Variants in ZNF341 observed in about 807,000 individuals in gnomAD.
ZNF341 encodes zinc finger protein 341.
Under a neutral mutation model 87.7 loss-of-function variants are expected in ZNF341, and 52 were observed. The ratio of observed to expected loss-of-function variants is 0.59; its 90% CI spans 0.47 to 0.75. The LOEUF (loss-of-function observed/expected upper bound fraction) is 0.75. Among genes scored for constraint, ZNF341 ranks in the 30% least tolerant of loss-of-function variants. ZNF341 has a pLI of 0.00. For synonymous variants in ZNF341, 459 were observed against 472.7 expected (o/e 0.97, Z 0.38); for missense variants, 977 against 1,145.9 (o/e 0.85, Z 2.13).
intron 2 of ZNF341, among the ~76,000 whole-genome samples, chr20:33,743,010 A>C (rs2018836330): frequency 1.3e-5 from 2 of 151,186 alleles, no homozygotes; most frequent in Non-Finnish European, 2.9e-5. Context: ...CCTGGGCAAC[A>C]CAACAGGACC....
intron 1 of ZNF341, among the ~76,000 whole-genome samples, chr20:33,736,515 A>C (rs1257104514): frequency 6.6e-6 from 1 of 152,132 alleles, no homozygotes; most frequent in East Asian, 1.9e-4. Context: ...TTCCATCTCA[A>C]AGTGTTCACT....
At chr20:33,735,790 C>T (rs1259572980) in intron 1 of ZNF341, among the ~76,000 whole-genome samples, 1 of 152,108 alleles carries the variant, frequency 6.6e-6, no homozygotes, top group Non-Finnish European at 1.5e-5. Flanking sequence ...AGGGGCATCA[C>T]TCCAAGGAGT....
chr20:33,748,853 C>A, intron 3 of ZNF341, 70 bp from the exon 4 acceptor site: 1 of 1,479,028 alleles, frequency 6.8e-7, no homozygotes, highest in Non-Finnish European at 9.3e-7. Flanking sequence ...CACATGCACA[C>A]ACGCACACAT....
intron 8 of ZNF341, among the ~76,000 whole-genome samples, chr20:33,764,517 GTA>G (rs1286609693): frequency 6.0e-5 from 7 of 116,190 alleles, no homozygotes; most frequent in Non-Finnish European, 8.5e-5. Context: ...ATATATATAT[GTA>G]TATATATGTG....
At chr20:33,742,683 T>C (rs1302959082) in intron 2 of ZNF341, among the ~76,000 whole-genome samples, 1 of 151,704 alleles carries the variant, frequency 6.6e-6, no homozygotes, top group African/African-American at 2.4e-5. Context: ...CAGGCTGGTC[T>C]TGAACTCCTG....
chr20:33,757,205 G>T lies in ZNF341; in HGVS notation c.799G>T (p.Gly267Cys). The part of the protein sequence containing the change: ...VYPTPTVYSP[G>C]KQGFKPKGPN... ...TCCCACCCCCACAGTGTACAGCCCTGGCAAACAGGGATTCAAACCCAAAGG... is the reference window on the plus strand; with the variant it reads ...TCCCACCCCCACAGTGTACAGCCCTTGCAAACAGGGATTCAAACCCAAAGG... The change falls in exon 6 of 15, where the codon GGC becomes TGC. Residue 267 changes from glycine (G) to cysteine (C), a missense_variant. Physicochemically the swap from Gly to Cys is radical, Grantham distance 159 (BLOSUM62 -3). Transcript: ENST00000375200. 6.2e-7 allele frequency: 1 copy of T among 1,600,174 alleles called. No individual in the cohort carries two copies. The highest frequency in any genetic ancestry group is 8.5e-7 in the Non-Finnish European group (1 of 1,174,170).
At position 33,781,395 on chromosome 20, in the gene ZNF341, C is replaced by T. The variant is rs1482092319; in HGVS notation, c.1719+8C>T. ...TGCCCACACTGCCAGAAGGTGGGTG[C>T]CACTGTCCTCTTTTCTGGGGCCTAG... On this transcript the variant is annotated splice_region_variant and intron_variant, in intron 11 of 14. Coordinates refer to ENST00000375200, the MANE Select transcript of ZNF341 (RefSeq NM_001282933.2). 6.2e-7 allele frequency: 1 copy of T among 1,612,764 alleles called. No individual in the cohort carries two copies. Among genetic ancestry groups the T allele is most frequent in the Non-Finnish European group, 8.5e-7 (1 of 1,178,942 alleles).
chr20:33,771,558 C>G (rs2019533542), intron 10 of ZNF341, among the ~76,000 whole-genome samples: 1 of 151,596 alleles, frequency 6.6e-6, no homozygotes, highest in African/African-American at 2.4e-5. Context: ...TATGATGATT[C>G]TTAGAATGAA....
At chr20:33,770,798 C>T (rs979453924) in intron 10 of ZNF341, among the ~76,000 whole-genome samples, 1 of 151,958 alleles carries the variant, frequency 6.6e-6, no homozygotes, top group Non-Finnish European at 1.5e-5. Flanking sequence ...ATAATGAGAC[C>T]CCATCTCTAC....
rs1464203978 is a variant in ZNF341, at chr20:33,742,246, G to A, written c.142+1234G>A. ...GAGTCTTGCTCTGTCGCCCAGGCTGGAGTGCAGTGGCGCGATCTCGGCTCA... is the reference window on the plus strand; with the variant it reads ...GAGTCTTGCTCTGTCGCCCAGGCTGAAGTGCAGTGGCGCGATCTCGGCTCA... On this transcript the variant is annotated intron_variant, in intron 2 of 14. Transcript: ENST00000375200. 2.6e-5 allele frequency among the ~76,000 whole-genome samples: 4 copies of A among 152,184 alleles called. No homozygotes were observed. In the South Asian group the frequency reaches 6.2e-4, roughly 24 times the overall value.
At position 33,764,543 on chromosome 20, in the gene ZNF341, G is replaced by GTATATA. The variant is rs1171402724; in HGVS notation, c.1223-2294_1223-2289dup. Among the ~76,000 whole-genome samples the GTATATA allele has an allele frequency of 2.5e-3, 170 of 69,288 alleles. 4 individuals carry two copies. Among genetic ancestry groups the GTATATA allele is most frequent in the African/African-American group, 0.011 (155 of 14,630 alleles). 45.5% of individuals were successfully genotyped at this position (69,288 alleles called of 152,430 possible). On this transcript the variant is annotated intron_variant, in intron 8 of 14. Coordinates refer to ENST00000375200, the MANE Select transcript of ZNF341 (RefSeq NM_001282933.2). ...TATATATATGTGTGTGTGTGTATGTGTATATATATATATATATATTTTTTT... is the reference window on the plus strand; with the variant it reads ...TATATATATGTGTGTGTGTGTATGTGTATATATATATATATATATATATATTTTTTT...
intron 4 of ZNF341, among the ~76,000 whole-genome samples, chr20:33,751,851 T>C (rs1435454351): frequency 1.3e-5 from 2 of 152,080 alleles, no homozygotes; most frequent in Non-Finnish European, 2.9e-5. Flanking sequence ...TTACAGGTGT[T>C]AGCCGCTGCA....
Position 33,791,201 on chromosome 20 carries a change from G to C in ZNF341, c.2249G>C (p.Arg750Thr). ...DLQTRRPPQR[R>T]AAPRSCGSGG... ...CAAACCCGGCGGCCCCCCCAGAGGA[G>C]GGCAGCCCCCCGCAGTTGCGGCAGT... The change falls in exon 15 of 15, where the codon AGG becomes ACG. Residue 750 changes from arginine (R) to threonine (T), a missense_variant. This residue lies in a region of ZNF341 where 221 missense variants were observed against 212.7 expected (regional missense o/e 1.04). Transcript: ENST00000375200. The C allele has an allele frequency of 1.2e-6, 2 of 1,612,762 alleles. No homozygotes were observed. Among genetic ancestry groups the C allele is most frequent in the Non-Finnish European group, 1.7e-6 (2 of 1,179,788 alleles).
chr20:33,766,162 G>C (rs917444430), intron 8 of ZNF341, among the ~76,000 whole-genome samples: 5 of 152,050 alleles, frequency 3.3e-5, no homozygotes, highest in Non-Finnish European at 5.9e-5. Flanking sequence ...TGGGATTACA[G>C]GTGTGAGCCA....
At chr20:33,762,513 CCTTT>C (rs1467668959) in intron 8 of ZNF341, among the ~76,000 whole-genome samples, 4 of 151,658 alleles carry the variant, frequency 2.6e-5, no homozygotes, top group Non-Finnish European at 4.4e-5. Context: ...AAAAGAAAGC[CCTTT>C]CTTTTTTTTT....
chr20:33,791,057 A>T lies in ZNF341; in HGVS notation c.2105A>T (p.Gln702Leu), dbSNP rs35927622. 3 of 1,613,354 alleles carry T rather than the reference A, an allele frequency of 1.9e-6. No homozygotes were observed. Among genetic ancestry groups the T allele is most frequent in the African/African-American group, 1.3e-5 (1 of 74,918 alleles). ...FSRRAHLAEH[Q>L]RAHTGNYKFR... Reference sequence around the variant, plus strand: ...CGCCGTGCCCACCTCGCCGAGCATCAGCGCGCCCACACGGGCAACTACAAG... The same window carrying T: ...CGCCGTGCCCACCTCGCCGAGCATCTGCGCGCCCACACGGGCAACTACAAG... The change falls in exon 15 of 15, where the codon CAG (glutamine) becomes CTG (leucine). Residue 702 changes from glutamine (Q) to leucine (L), a missense_variant. Transcript: ENST00000375200.
intron 9 of ZNF341, among the ~76,000 whole-genome samples, chr20:33,769,457 C>T (rs1284118624): frequency 2.6e-5 from 4 of 152,020 alleles, no homozygotes; most frequent in Admixed American, 6.6e-5. Context: ...GTTTGAGAGC[C>T]GGTATTCCAG....
intron 11 of ZNF341, 42 bp from the exon 12 acceptor site, chr20:33,783,690 G>T: frequency 6.2e-7 from 1 of 1,612,884 alleles, no homozygotes. Context: ...CAGGGGAGGG[G>T]GGCCCGGTGA....
chr20:33,744,081 G>A (rs968512892), intron 2 of ZNF341, among the ~76,000 whole-genome samples: 1 of 152,020 alleles, frequency 6.6e-6, no homozygotes, highest in Non-Finnish European at 1.5e-5. Context: ...CAGGAAGTTC[G>A]AGACCAGCCT....
Sources: allele counts gnomAD v4.1 joint callset (sites outside exome capture counted in the v4.1 genomes callset), GRCh38; gene constraint gnomAD v4.1.1; regional missense constraint gnomAD v4.1.1; transcripts MANE v1.5; gene names NCBI Gene and HGNC (gene_info 2026-07-23, HGNC 2026-07-21).